NIBAN3: variants seen among roughly 807,000 people sequenced by gnomAD.
The protein encoded by NIBAN3 is protein Niban 3.
In NIBAN3, 66 loss-of-function variants were observed where a neutral mutation model predicts 76.4. That is an observed-to-expected ratio of 0.86 (90% CI 0.71 to 1.06). NIBAN3 has a LOEUF of 1.06. NIBAN3 is among the 50% of genes least tolerant of loss of function. The pLI is 0.00. For missense variants in NIBAN3, 808 were observed against 810.7 expected, an observed-to-expected ratio of 1.00 and a Z score of 0.04; for synonymous variants, 360 against 355.2, an observed-to-expected ratio of 1.01 and a Z score of -0.15.
At chr19:17,541,988 A>T (rs1368689873) in intron 9 of NIBAN3, 148 bp from the exon 10 acceptor site, 9 of 976,970 alleles carry the variant, frequency 9.2e-6, no homozygotes, top group African/African-American at 4.8e-5. Context: ...CTGGCCCACC[A>T]CTATTGTATT....
chr19:17,523,668 G>C (rs1442205518), upstream of NIBAN3, among the ~76,000 whole-genome samples: 1 of 152,152 alleles, frequency 6.6e-6, no homozygotes, highest in Non-Finnish European at 1.5e-5. Context: ...TGCTCCTTTT[G>C]CCTTCGGAGT....
rs747510065 is a variant in NIBAN3, at chr19:17,546,772, G to T, written c.1641G>T (p.Gly547=). ...GCATCTATGAGGACGTCATCCGGGG[G>T]TGCTTGCTGCAGAGGATTGACCAAG... ...TEGIYEDVIR[G]CLLQRIDQEL... Residue 547 remains glycine, a synonymous_variant, in exon 13 of 15, where the codon GGG becomes GGT. Coordinates refer to ENST00000599164, the MANE Select transcript of NIBAN3 (RefSeq NM_001321827.2). 5 of 1,602,712 alleles carry T rather than the reference G, an allele frequency of 3.1e-6. No homozygotes were observed. The highest frequency in any genetic ancestry group is 1.7e-5 in the Admixed American group (1 of 57,892).
intron 2 of NIBAN3, 89 bp downstream of exon 2, chr19:17,530,974 T>C (rs1263405381): frequency 2.1e-6 from 3 of 1,409,906 alleles, no homozygotes; most frequent in South Asian, 2.6e-5. Flanking sequence ...CCTCAGACCT[T>C]TGCCATTGCC....
At position 17,540,441 on chromosome 19, in the gene NIBAN3, G is replaced by T; in HGVS notation, c.1029G>T (p.Pro343=). 6.5e-7 allele frequency: 1 copy of T among 1,548,188 alleles called. No individual in the cohort carries two copies. The highest frequency in any genetic ancestry group is 8.7e-7 in the Non-Finnish European group (1 of 1,146,360). Residue 343 remains proline (P), a synonymous_variant, in exon 9 of 15, where the codon CCG becomes CCT. Coordinates refer to ENST00000599164, the MANE Select transcript of NIBAN3 (RefSeq NM_001321827.2). ...CGTGCCTGCGCCGGGAGGTGGACCCGCAGCTGCCCCGGGTCGTGCAGACCC... is the reference window on the plus strand; with the variant it reads ...CGTGCCTGCGCCGGGAGGTGGACCCTCAGCTGCCCCGGGTCGTGCAGACCC... ...LESCLRREVD[P]QLPRVVQTLL...
intron 14 of NIBAN3, 110 bp downstream of exon 14, chr19:17,549,637 A>G: frequency 1.1e-6 from 1 of 904,002 alleles, no homozygotes; most frequent in Non-Finnish European, 1.8e-6. Flanking sequence ...CATGGACGGA[A>G]CAGAATGCAC....
At position 17,533,592 on chromosome 19, in the gene NIBAN3, T is replaced by C; in HGVS notation, c.318T>C (p.Tyr106=). 1 of 1,613,474 alleles carries C rather than the reference T, an allele frequency of 6.2e-7. No homozygotes were observed. The highest frequency in any genetic ancestry group is 8.5e-7 in the Non-Finnish European group (1 of 1,179,454). Residue 106 remains tyrosine, a synonymous_variant, in exon 4 of 15, where the codon TAT becomes TAC. Transcript: ENST00000599164. Reference sequence around the variant, plus strand: ...TCTCTGGGTACCTTTTGTAGGAATATGAAAACGGGGGCCACTGCCTTGGCT... The same window carrying C: ...TCTCTGGGTACCTTTTGTAGGAATACGAAAACGGGGGCCACTGCCTTGGCT... ...RLEWFSHKEE[Y]ENGGHCLGST...
chr19:17,535,568 C>T (rs1175946034), intron 4 of NIBAN3, among the ~76,000 whole-genome samples: 3 of 152,068 alleles, frequency 2.0e-5, no homozygotes, highest in South Asian at 2.1e-4. Context: ...GCCAACATGG[C>T]GAAACCCCAC....
At chr19:17,554,168 C>G (rs888367714), downstream of NIBAN3, among the ~76,000 whole-genome samples, 1 of 152,086 alleles carries the variant, frequency 6.6e-6, no homozygotes, top group Non-Finnish European at 1.5e-5. Context: ...GCCACTGCAC[C>G]TGGCCTGTAT....
chr19:17,543,918 G>C (rs2076002766), intron 12 of NIBAN3: 1 of 236,686 alleles, frequency 4.2e-6, no homozygotes, highest in Non-Finnish European at 8.3e-6. Context: ...CTTGAACCCG[G>C]GAGGGGAAGG....
chr19:17,524,795 G>T (rs1418424980), upstream of NIBAN3, among the ~76,000 whole-genome samples: 1 of 152,188 alleles, frequency 6.6e-6, no homozygotes, highest in African/African-American at 2.4e-5. Context: ...GCTGGATTCT[G>T]CCTCATGGCC....
Position 17,540,593 on chromosome 19 carries a change from G to A in NIBAN3, c.1170+11G>A, listed in dbSNP as rs1028045931. ...CGGCTGCGCAGGGAGGTGAGCTCCC[G>A]TGGGTAGGGGTTCAGTGAGCCAGAG... On this transcript the variant is annotated intron_variant, in intron 9 of 14. Coordinates refer to ENST00000599164, the MANE Select transcript of NIBAN3 (RefSeq NM_001321827.2). The A allele has an allele frequency of 2.0e-6, 3 of 1,468,160 alleles. No individual in the cohort carries two copies. The highest frequency in any genetic ancestry group is 2.5e-5 in the Admixed American group (1 of 39,986). 90.9% of individuals were successfully genotyped at this position (1,468,160 alleles called of 1,614,324 possible).
downstream of NIBAN3, among the ~76,000 whole-genome samples, chr19:17,554,878 C>T (rs1695259096): frequency 1.4e-5 from 2 of 147,858 alleles, no homozygotes; most frequent in Admixed American, 6.8e-5. Context: ...CACGGTCTTG[C>T]TATGTTGCAC....
At position 17,542,054 on chromosome 19, in the gene NIBAN3, T is replaced by A; in HGVS notation, c.1171-82T>A. ...ATGTATTTTCATTTGTGTTTCTCCTTTGGTGAATTGGTAATGGGGTCCCTG... is the reference window on the plus strand; with the variant it reads ...ATGTATTTTCATTTGTGTTTCTCCTATGGTGAATTGGTAATGGGGTCCCTG... On this transcript the variant is annotated intron_variant, in intron 9 of 14. Transcript: ENST00000599164. The surrounding 1 kb of genome is among the most constrained non-coding windows in gnomAD (Gnocchi z 4.8). 6.7e-7 allele frequency: 1 copy of A among 1,502,552 alleles called. No individual in the cohort carries two copies. 93.1% of individuals were successfully genotyped at this position (1,502,552 alleles called of 1,614,324 possible).
In NIBAN3 at chr19:17,542,782, C is replaced by T. The variant is rs2075979820; in HGVS notation, c.1329+488C>T. Among the ~76,000 whole-genome samples, 1 of 151,948 alleles carries T rather than the reference C, an allele frequency of 6.6e-6. No individual in the cohort carries two copies. The highest frequency in any genetic ancestry group is 1.5e-5 in the Non-Finnish European group (1 of 68,000). ...GTATGTGAGCAGGGGGAGGGCATGGCTGGATTTAAGGTTTAGGAAGCTTTG... is the reference window on the plus strand; with the variant it reads ...GTATGTGAGCAGGGGGAGGGCATGGTTGGATTTAAGGTTTAGGAAGCTTTG... On this transcript the variant is annotated intron_variant, in intron 10 of 14. Transcript: ENST00000599164. This position sits in a 1 kb window ranked among gnomAD's most constrained non-coding sequence, Gnocchi z 4.8.
chr19:17,528,592 G>A (rs2075653626), intron 1 of NIBAN3, among the ~76,000 whole-genome samples: 1 of 152,110 alleles, frequency 6.6e-6, no homozygotes, highest in Non-Finnish European at 1.5e-5. Flanking sequence ...AGACTAAGAG[G>A]GGCCAGTGCC....
At chr19:17,537,943 TCA>T (rs34026263) in intron 5 of NIBAN3, among the ~76,000 whole-genome samples, 3 of 145,886 alleles carry the variant, frequency 2.1e-5, no homozygotes, top group Non-Finnish European at 3.0e-5. Flanking sequence ...CAAAACTCCA[TCA>T]CACACACACA....
Position 17,553,629 on chromosome 19 carries a change from A to T in NIBAN3, c.*1731A>T. ...CTTCCGAAATACATTTGCTCAATAC[A>T]TTTGCACTTCATAGGCTTCTTTAGC... On this transcript the variant is annotated 3_prime_UTR_variant, in exon 15 of 15. Coordinates refer to ENST00000599164, the MANE Select transcript of NIBAN3 (RefSeq NM_001321827.2). 7.2e-7 allele frequency: 1 copy of T among 1,385,800 alleles called. No individual in the cohort carries two copies. The allele number at this position is 1,385,800 out of a possible 1,614,324, so 85.8% of individuals were successfully genotyped here. A position where few individuals can be genotyped will look rare whatever the true frequency, so the allele number is the denominator to read the frequency against.
chr19:17,551,783 C>T lies in NIBAN3; in HGVS notation c.1751-3C>T. 1 of 777,416 alleles carries T rather than the reference C, an allele frequency of 1.3e-6. No individual in the cohort carries two copies. The highest frequency in any genetic ancestry group is 2.4e-5 in the East Asian group (1 of 41,152). 48.2% of individuals were successfully genotyped at this position (777,416 alleles called of 1,614,324 possible). A position where few individuals can be genotyped will look rare whatever the true frequency, so the allele number is the denominator to read the frequency against. ...TGACGTCCGTATATTTTCCATTATA[C>T]AGATGAGGAAACTGAGGCTGAGCGG... is the stretch of plus-strand genomic sequence containing the variant. On this transcript the variant is annotated splice_region_variant and splice_polypyrimidine_tract_variant and intron_variant, in intron 14 of 14. Transcript: ENST00000599164.
chr19:17,539,535 C>G, intron 7 of NIBAN3, 68 bp from the exon 8 acceptor site: 1 of 1,469,132 alleles, frequency 6.8e-7, no homozygotes, highest in Non-Finnish European at 9.1e-7. Flanking sequence ...TAAACCCTCT[C>G]CCGATCTCTC....
Sources: gnomAD v4.1 joint callset for allele counts (sites outside exome capture counted in the v4.1 genomes callset) on GRCh38, gnomAD v4.1.1 for gene constraint, Gnocchi (gnomAD v3.1) non-coding constraint, MANE v1.5 for transcripts, NCBI Gene and HGNC (gene_info 2026-07-23, HGNC 2026-07-21) for gene names.